RAD50: variants seen among roughly 807,000 people sequenced by gnomAD.
The protein encoded by RAD50 is DNA repair protein RAD50.
In RAD50, 132 loss-of-function variants were observed where a neutral mutation model predicts 168.8. That is an observed-to-expected ratio of 0.78 (90% CI 0.68 to 0.90). The LOEUF (loss-of-function observed/expected upper bound fraction) is 0.90. RAD50 is among the 40% of genes least tolerant of loss of function. RAD50 has a pLI of 0.00. For synonymous variants in RAD50, 525 were observed against 497.4 expected (o/e 1.06, Z -0.74); for missense variants, 1,347 against 1,534.4 (o/e 0.88, Z 2.04).
intron 1 of RAD50, among the ~76,000 whole-genome samples, chr5:132,558,586 C>G (rs1429965865): frequency 6.6e-6 from 1 of 152,004 alleles, no homozygotes; most frequent in Non-Finnish European, 1.5e-5. Flanking sequence ...TGGCGCATGC[C>G]TGTAATCCTA....
Position 132,591,920 on chromosome 5 carries a change from GTGA to G in RAD50, c.1683_1685del (p.Asp561del). 6.2e-7 allele frequency: 1 copy of G among 1,609,294 alleles called. No individual in the cohort carries two copies. The highest frequency in any genetic ancestry group is 8.5e-7 in the Non-Finnish European group (1 of 1,176,018). ...ATCAGAAAAATAAAATCTAGGCACAGTGATGAATTAACCTCACTGTTGGGATAT... is the reference window on the plus strand; with the variant it reads ...ATCAGAAAAATAAAATCTAGGCACAGTGAATTAACCTCACTGTTGGGATAT... On this transcript the variant is annotated inframe_deletion, in exon 11 of 25. Transcript: ENST00000378823.
Position 132,611,621 on chromosome 5 carries a change from G to A in RAD50, c.3036+2225G>A, listed in dbSNP as rs370896394. ...CTCAGGAAGCTGAGGCAGGAGAATG[G>A]CGTGAACCTGGGAGGCAGAGCTTGC... is the stretch of plus-strand genomic sequence containing the variant. On this transcript the variant is annotated intron_variant, in intron 19 of 24. Coordinates refer to ENST00000378823, the MANE Select transcript of RAD50 (RefSeq NM_005732.4). Among the ~76,000 whole-genome samples, 715 of 150,204 alleles carry A rather than the reference G, an allele frequency of 4.8e-3. 6 individuals are homozygous for A. The highest frequency in any genetic ancestry group is 0.033 in the South Asian group (158 of 4,736).
chr5:132,588,753 C>A lies in RAD50; in HGVS notation c.1118C>A (p.Ser373Tyr). The change falls in exon 8 of 25, where the codon TCT (serine) becomes TAT (tyrosine). Residue 373 changes from serine (S) to tyrosine (Y), a missense_variant. Physicochemically the swap from Ser to Tyr is moderately radical, Grantham distance 144. Around this residue, in one of 3 missense-constraint regions of RAD50, gnomAD observed 703 missense variants for 767.7 expected, o/e 0.92. Coordinates refer to ENST00000378823, the MANE Select transcript of RAD50 (RefSeq NM_005732.4). ...CGAGCTAGAGATTCATTAATTCAGT[C>A]TTTGGCAACACAGCTAGAATTGGAT... ...HIRARDSLIQ[S>Y]LATQLELDGF... is the part of the protein sequence containing the mutation. 6.2e-7 allele frequency: 1 copy of A among 1,613,922 alleles called. No homozygotes were observed. Among genetic ancestry groups the A allele is most frequent in the Non-Finnish European group, 8.5e-7 (1 of 1,179,920 alleles).
At position 132,608,712 on chromosome 5, in the gene RAD50, T is replaced by C. The variant is rs876658418; in HGVS notation, c.2816T>C (p.Ile939Thr). The C allele has an allele frequency of 1.3e-6, 2 of 1,583,620 alleles. No homozygotes were observed. The highest frequency in any genetic ancestry group is 1.7e-6 in the Non-Finnish European group (2 of 1,165,132). The change falls in exon 17 of 25, where the codon ATA (isoleucine) becomes ACA (threonine). Residue 939 changes from isoleucine (I) to threonine (T), a missense_variant. Ile to Thr is a moderately conservative substitution (Grantham distance 89). Around this residue, in one of 3 missense-constraint regions of RAD50, gnomAD observed 635 missense variants for 739.2 expected, o/e 0.86. Transcript: ENST00000378823. ...LINKKNTSNKIAQDKLNDIKE... is the reference protein window; with the variant it reads ...LINKKNTSNKTAQDKLNDIKE... ...AACAAAAAAAATACAAGCAACAAAA[T>C]AGCACAGGATAAAGTAAGATTTCAT...
rs1060501978 is a variant in RAD50, at chr5:132,642,245, G to A, written c.3820G>A (p.Val1274Met). The A allele has an allele frequency of 1.2e-6, 2 of 1,614,134 alleles. No individual in the cohort carries two copies. Among genetic ancestry groups the A allele is most frequent in the East Asian group, 2.2e-5 (1 of 44,884 alleles). Residue 1274 changes from valine to methionine, a missense_variant, in exon 25 of 25, where the codon GTG becomes ATG. Val to Met is a conservative substitution (Grantham distance 21). Around this residue, in one of 3 missense-constraint regions of RAD50, gnomAD observed 635 missense variants for 739.2 expected, o/e 0.86. Transcript: ENST00000378823. ...GGTAATCACTCATGATGAAGATTTT[G>A]TGGAGCTTTTAGGACGTTCTGAATA... Reference protein sequence around the residue: ...LLVITHDEDFVELLGRSEYVE... With the variant: ...LLVITHDEDFMELLGRSEYVE...
chr5:132,586,349 G>A (rs1200668304), intron 5 of RAD50, among the ~76,000 whole-genome samples: 4 of 152,260 alleles, frequency 2.6e-5, no homozygotes, highest in Admixed American at 2.0e-4. Flanking sequence ...ATACTTTTGT[G>A]AGGATTAGAG....
chr5:132,641,272 A>G (rs1450509273), intron 24 of RAD50, among the ~76,000 whole-genome samples: 1 of 152,206 alleles, frequency 6.6e-6, no homozygotes, highest in Non-Finnish European at 1.5e-5. Flanking sequence ...GAGATTAGGT[A>G]AAGTCCAGTG....
intron 2 of RAD50, among the ~76,000 whole-genome samples, chr5:132,575,442 A>G (rs1750377515): frequency 6.6e-6 from 1 of 152,216 alleles, no homozygotes; most frequent in African/African-American, 2.4e-5. Flanking sequence ...GTGGAGACAA[A>G]GACAAACCAA....
At position 132,587,582 on chromosome 5, in the gene RAD50, A is replaced by G; in HGVS notation, c.777A>G (p.Glu259=). 1 of 1,613,270 alleles carries G rather than the reference A, an allele frequency of 6.2e-7. No homozygotes were observed. The highest frequency in any genetic ancestry group is 8.5e-7 in the Non-Finnish European group (1 of 1,179,664). Residue 259 remains glutamate, a synonymous_variant, in exon 6 of 25, where the codon GAA becomes GAG. Transcript: ENST00000378823. ...DPLKNRLKEI[E]HNLSKIMKLD... ...TTCAGAATCGTCTAAAAGAAATTGAACATAATCTCTCTAAAATAATGAAAC... is the reference window on the plus strand; with the variant it reads ...TTCAGAATCGTCTAAAAGAAATTGAGCATAATCTCTCTAAAATAATGAAAC...
intron 23 of RAD50, among the ~76,000 whole-genome samples, chr5:132,638,488 C>T (rs1012096901): frequency 7.3e-5 from 11 of 151,624 alleles, no homozygotes; most frequent in Non-Finnish European, 1.3e-4. Flanking sequence ...GCTGAAGACC[C>T]GTTAGAGTTT....
intron 23 of RAD50, among the ~76,000 whole-genome samples, chr5:132,639,326 C>T (rs917149014): frequency 6.8e-6 from 1 of 147,328 alleles, no homozygotes; most frequent in Non-Finnish European, 1.5e-5. Flanking sequence ...GCACTCCAGC[C>T]CAGGCAACAA....
chr5:132,579,975 A>T lies in RAD50; in HGVS notation c.665A>T (p.Glu222Val), dbSNP rs1263907872. 6.2e-7 allele frequency: 1 copy of T among 1,612,918 alleles called. No homozygotes were observed. The highest frequency in any genetic ancestry group is 1.1e-5 in the South Asian group (1 of 91,052). Residue 222 changes from glutamate (E) to valine (V), a missense_variant, in exon 5 of 25, where the codon GAG (glutamate) becomes GTG (valine). Glu to Val is a moderately radical substitution (Grantham distance 121, BLOSUM62 -2). Coordinates refer to ENST00000378823, the MANE Select transcript of RAD50 (RefSeq NM_005732.4). ...YLKQYKEKAC[E>V]IRDQITSKEA... is the part of the protein sequence containing the mutation. ...AAGCAATATAAGGAAAAAGCTTGTG[A>T]GATTCGTGATCAGATTACAAGTAAG...
At chr5:132,625,443 T>C (rs1751359000) in intron 21 of RAD50, among the ~76,000 whole-genome samples, 2 of 152,240 alleles carry the variant, frequency 1.3e-5, no homozygotes, top group Admixed American at 1.3e-4. Flanking sequence ...ATAGCCGGTA[T>C]ATTTATGTGG....
chr5:132,579,282 A>T (rs1339934398), intron 3 of RAD50, 35 bp from the exon 4 acceptor site: 2 of 1,590,156 alleles, frequency 1.3e-6, no homozygotes, highest in Admixed American at 3.3e-5. Context: ...ACTGAAGGTT[A>T]TTTTACATAT....
At chr5:132,613,889 G>A (rs116073345) in intron 19 of RAD50, among the ~76,000 whole-genome samples, 1,531 of 152,110 alleles carry the variant, frequency 0.01, 28 homozygotes, top group African/African-American at 0.035. Context: ...GAGCCACCAC[G>A]CCCGGCCACA....
At chr5:132,581,786 T>C (rs549324039) in intron 5 of RAD50, among the ~76,000 whole-genome samples, 15 of 152,330 alleles carry the variant, frequency 9.8e-5, no homozygotes, top group Non-Finnish European at 2.1e-4. Flanking sequence ...TGGAAGACTA[T>C]GTTATATTTT....
chr5:132,613,378 A>G (rs1293322440), intron 19 of RAD50, among the ~76,000 whole-genome samples: 1 of 152,130 alleles, frequency 6.6e-6, no homozygotes, highest in African/African-American at 2.4e-5. Flanking sequence ...TACACTATCA[A>G]ATTTCTAGTA....
At chr5:132,570,043 CAT>C (rs2149834587) in intron 2 of RAD50, among the ~76,000 whole-genome samples, 1 of 152,242 alleles carries the variant, frequency 6.6e-6, no homozygotes, top group South Asian at 2.1e-4. Flanking sequence ...AAAGAAATAT[CAT>C]ATGAACACCA....
rs1751773475 is a variant in RAD50, at chr5:132,643,218, T to C, written c.*854T>C. 1 of 356,914 alleles carries C rather than the reference T, an allele frequency of 2.8e-6. No individual in the cohort carries two copies. Among genetic ancestry groups the C allele is most frequent in the Non-Finnish European group, 6.0e-6 (1 of 167,064 alleles). The allele number at this position is 356,914 out of a possible 1,614,324, so 22.1% of individuals were successfully genotyped here. ...TTGCCATGTGGAAGGCAAGCCAGGC[T>C]CACTCACAGAGTCAAGGCCTGCTCC... is the stretch of plus-strand genomic sequence containing the variant. On this transcript the variant is annotated 3_prime_UTR_variant, in exon 25 of 25. Transcript: ENST00000378823.
Sources: gnomAD v4.1 joint callset for allele counts (sites outside exome capture counted in the v4.1 genomes callset) on GRCh38, gnomAD v4.1.1 for gene constraint, gnomAD v4.1.1 regional missense constraint, MANE v1.5 for transcripts, NCBI Gene and HGNC (gene_info 2026-07-23, HGNC 2026-07-21) for gene names.